The following DEPTOR variants were observed in gnomAD, a reference collection of about 807,000 sequenced individuals.
DEPTOR encodes DEP domain-containing mTOR-interacting protein.
Under a neutral mutation model 41.6 loss-of-function variants are expected in DEPTOR, and 41 were observed. That is an observed-to-expected ratio of 0.98 (90% CI 0.77 to 1.28). DEPTOR has a LOEUF of 1.28. Among genes scored for constraint, DEPTOR ranks in the 50% most tolerant of loss-of-function variants. DEPTOR has a pLI of 0.00. For missense variants in DEPTOR, 514 were observed against 527.9 expected, an observed-to-expected ratio of 0.97 and a Z score of 0.26; for synonymous variants, 195 against 192.3, an observed-to-expected ratio of 1.01 and a Z score of -0.12.
chr8:119,880,072 G>T (rs1005149831), intron 1 of DEPTOR, among the ~76,000 whole-genome samples: 8 of 151,726 alleles, frequency 5.3e-5, no homozygotes, highest in Non-Finnish European at 8.8e-5. Flanking sequence ...AACCCAGATG[G>T]CAGAGGTTGC....
intron 3 of DEPTOR, among the ~76,000 whole-genome samples, chr8:119,956,735 T>G (rs556268536): frequency 7.3e-4 from 80 of 109,574 alleles, no homozygotes; most frequent in African/African-American, 2.1e-3. Context: ...TTGTTTTTTT[T>G]TTTTGTTTTT....
In DEPTOR at chr8:119,879,065, G is replaced by A. The variant is rs143103250; in HGVS notation, c.122+5097G>A. Reference sequence around the variant, plus strand: ...GCAGAGGTTGTAGTGAGCCGAGATCGCGCCAATGCACTCCAGCCTGGGCAA... The same window carrying A: ...GCAGAGGTTGTAGTGAGCCGAGATCACGCCAATGCACTCCAGCCTGGGCAA... On this transcript the variant is annotated intron_variant, in intron 1 of 8. Transcript: ENST00000286234. Among the ~76,000 whole-genome samples the A allele has an allele frequency of 3.0e-3, 462 of 151,900 alleles. 15 individuals carry two copies. Among genetic ancestry groups the A allele is most frequent in the Admixed American group, 0.023 (353 of 15,236 alleles).
At chr8:119,988,968 T>C (rs1490010272) in intron 4 of DEPTOR, among the ~76,000 whole-genome samples, 6 of 143,924 alleles carry the variant, frequency 4.2e-5, no homozygotes, top group Admixed American at 1.4e-4. Flanking sequence ...CTTTTTTTTT[T>C]TTTTTTTTTT....
intron 4 of DEPTOR, among the ~76,000 whole-genome samples, chr8:119,978,807 G>C (rs918057568): frequency 2.6e-5 from 4 of 152,112 alleles, no homozygotes; most frequent in African/African-American, 9.7e-5. Context: ...TCCACTAGCT[G>C]CTTCTGGCTT....
At chr8:120,017,830 A>T (rs2130126449) in intron 8 of DEPTOR, among the ~76,000 whole-genome samples, 1 of 152,254 alleles carries the variant, frequency 6.6e-6, no homozygotes, top group Middle Eastern at 3.4e-3. Context: ...TTTTCATGCT[A>T]CCCTGTGCCA....
Position 120,009,019 on chromosome 8 carries a change from T to C in DEPTOR, c.997-10T>C, listed in dbSNP as rs764548838. 1 of 1,613,850 alleles carries C rather than the reference T, an allele frequency of 6.2e-7. No individual in the cohort carries two copies. The highest frequency in any genetic ancestry group is 1.1e-5 in the South Asian group (1 of 90,914). Reference sequence around the variant, plus strand: ...GTCGGCTGCTTGCTAATTGTGGTTTTCCTCTCTAGATTGTTGGTGACGCGG... The same window carrying C: ...GTCGGCTGCTTGCTAATTGTGGTTTCCCTCTCTAGATTGTTGGTGACGCGG... On this transcript the variant is annotated splice_polypyrimidine_tract_variant and intron_variant, in intron 7 of 8. Transcript: ENST00000286234.
rs150928714 is a variant in DEPTOR, at chr8:119,914,284, T to C, written c.123-14116T>C. Among the ~76,000 whole-genome samples, 413 of 150,732 alleles carry C rather than the reference T, an allele frequency of 2.7e-3. 2 individuals are homozygous for C. The highest frequency in any genetic ancestry group is 0.011 in the Middle Eastern group (3 of 282). ...CTCAAACTCCTGACCTCAGGTGATC[T>C]GTCTGCCTCGGCCTCCCAAAGTGCT... On this transcript the variant is annotated intron_variant, in intron 1 of 8. Coordinates refer to ENST00000286234, the MANE Select transcript of DEPTOR (RefSeq NM_022783.4).
intron 8 of DEPTOR, among the ~76,000 whole-genome samples, chr8:120,010,925 T>A (rs1032952897): frequency 6.6e-6 from 1 of 152,214 alleles, no homozygotes; most frequent in Non-Finnish European, 1.5e-5. Flanking sequence ...AGCTTTGTTC[T>A]ATTGTCTGTG....
chr8:120,046,967 T>G (rs751359324), intron 8 of DEPTOR, among the ~76,000 whole-genome samples: 1 of 152,244 alleles, frequency 6.6e-6, no homozygotes, highest in South Asian at 2.1e-4. Flanking sequence ...CATGGCCATC[T>G]ACACCTGGTA....
In DEPTOR at chr8:120,025,986, A is replaced by T. The variant is rs370583560; in HGVS notation, c.1101+16853A>T. Reference sequence around the variant, plus strand: ...GTAGCTTTCTCTCTTAGGACTTTTGATTTTTTTTTTTTTTTCTGAGACCGA... The same window carrying T: ...GTAGCTTTCTCTCTTAGGACTTTTGTTTTTTTTTTTTTTTTCTGAGACCGA... On this transcript the variant is annotated intron_variant, in intron 8 of 8. Transcript: ENST00000286234. Among the ~76,000 whole-genome samples the T allele has an allele frequency of 1.3e-4, 19 of 141,866 alleles. No individual in the cohort carries two copies. In the Middle Eastern group the frequency reaches 0.011, roughly 81 times the overall value. 93.1% of individuals were successfully genotyped at this position (141,866 alleles called of 152,430 possible). A position where few individuals can be genotyped will look rare whatever the true frequency, so the allele number is the denominator to read the frequency against.
rs1241684940 is a variant in DEPTOR at position 119,900,337 on chromosome 8, AG to A, written c.122+26370del. Among the ~76,000 whole-genome samples the A allele has an allele frequency of 4.2e-3, 362 of 86,904 alleles. 2 individuals carry two copies. In the East Asian group the frequency reaches 0.061, roughly 15 times the overall value. The allele number at this position is 86,904 out of a possible 152,430, so 57.0% of individuals were successfully genotyped here. A position where few individuals can be genotyped will look rare whatever the true frequency, so the allele number is the denominator to read the frequency against. On this transcript the variant is annotated intron_variant, in intron 1 of 8. Coordinates refer to ENST00000286234, the MANE Select transcript of DEPTOR (RefSeq NM_022783.4). ...AGGCTCCATCTCAAAAAAAAAAAAA[AG>A]AAAAAAAAAAAAAAACTAAATGTCT...
chr8:119,918,562 G>A (rs1029517021), intron 1 of DEPTOR, among the ~76,000 whole-genome samples: 11 of 152,204 alleles, frequency 7.2e-5, no homozygotes, highest in African/African-American at 2.4e-4. Context: ...CTGGGTTCAA[G>A]TGATTCTCCT....
chr8:119,997,304 G>T (rs939663462), intron 4 of DEPTOR, among the ~76,000 whole-genome samples: 1 of 151,952 alleles, frequency 6.6e-6, no homozygotes, highest in South Asian at 2.1e-4. Flanking sequence ...GTGTGATCAC[G>T]GCTCAGTGCA....
At chr8:119,947,562 A>G (rs1245135765) in intron 3 of DEPTOR, among the ~76,000 whole-genome samples, 1 of 152,108 alleles carries the variant, frequency 6.6e-6, no homozygotes, top group Non-Finnish European at 1.5e-5. Context: ...TGAAATCATT[A>G]TATATAAGAG....
At chr8:119,962,391 A>G (rs747914238) in intron 3 of DEPTOR, among the ~76,000 whole-genome samples, 14 of 152,192 alleles carry the variant, frequency 9.2e-5, no homozygotes, top group Non-Finnish European at 1.8e-4. Flanking sequence ...GAGATGGTCT[A>G]ATTGAGACCT....
chr8:119,918,429 A>T (rs1419094515), intron 1 of DEPTOR, among the ~76,000 whole-genome samples: 1 of 150,988 alleles, frequency 6.6e-6, no homozygotes, highest in East Asian at 2.0e-4. Context: ...AACATTTGGC[A>T]TGGACCACCT....
At chr8:119,874,168 G>A (rs1563953188) in intron 1 of DEPTOR, 200 bp downstream of exon 1, 1 of 809,668 alleles carries the variant, frequency 1.2e-6, no homozygotes, top group Non-Finnish European at 1.8e-6. Flanking sequence ...CTCGCCAAGC[G>A]GGGCTGCCTG....
chr8:119,888,364 G>C (rs1049998823), intron 1 of DEPTOR, among the ~76,000 whole-genome samples: 6 of 151,980 alleles, frequency 3.9e-5, no homozygotes. Context: ...CTCCTCCCCT[G>C]CCTTTAGCTC....
At chr8:120,007,817 A>C (rs1378012625) in intron 7 of DEPTOR, among the ~76,000 whole-genome samples, 2 of 152,238 alleles carry the variant, frequency 1.3e-5, no homozygotes, top group Non-Finnish European at 2.9e-5. Flanking sequence ...ATTGAGTATA[A>C]TATACAAATA....
Sources: gnomAD v4.1 joint callset for allele counts (sites outside exome capture counted in the v4.1 genomes callset) on GRCh38, gnomAD v4.1.1 for gene constraint, MANE v1.5 for transcripts, NCBI Gene and HGNC (gene_info 2026-07-23, HGNC 2026-07-21) for gene names.